Variants in PRTG observed in about 807,000 individuals in gnomAD.
The protein encoded by PRTG is protogenin.
A neutral mutation model predicts 122.5 loss-of-function variants in PRTG; 67 were observed. The ratio of observed to expected loss-of-function variants is 0.55; its 90% CI spans 0.45 to 0.67. The LOEUF is 0.67. Among genes scored for constraint, PRTG ranks in the 30% least tolerant of loss-of-function variants. PRTG has a pLI of 0.00. For missense variants in PRTG, 1,435 were observed against 1,415.4 expected (o/e 1.01, Z -0.22); for synonymous variants, 554 against 501.1 (o/e 1.11, Z -1.41).
At chr15:55,623,524 C>T (rs2059178116) in intron 18 of PRTG, among the ~76,000 whole-genome samples, 1 of 151,910 alleles carries the variant, frequency 6.6e-6, no homozygotes, top group Admixed American at 6.5e-5. Context: ...CGAGATCGTA[C>T]CACTGCACTC....
At chr15:55,656,545 T>C (rs2059381282) in intron 11 of PRTG, among the ~76,000 whole-genome samples, 1 of 152,220 alleles carries the variant, frequency 6.6e-6, no homozygotes. Flanking sequence ...TCTCGCTCTG[T>C]TGCCCAGGCT....
At chr15:55,735,712 C>T (rs1248189300) in intron 2 of PRTG, among the ~76,000 whole-genome samples, 1 of 100,492 alleles carries the variant, frequency 1.0e-5, no homozygotes, top group Non-Finnish European at 2.0e-5. Flanking sequence ...CTGGACCATG[C>T]TTTGCTAAAA....
Position 55,620,260 on chromosome 15 carries a change from T to G in PRTG, c.3205A>C (p.Arg1069=). 1 of 1,613,724 alleles carries G rather than the reference T, an allele frequency of 6.2e-7. No homozygotes were observed. ...AAGCAGACCGCTGGAGTAAATCTTC[T>G]TTGAGGCTAGGCAAAAAAAGATAAG... is the stretch of plus-strand genomic sequence containing the variant. ...SKKIQVEQPQ[R]RFTPAVCFYQ... The change falls in exon 20 of 20, where the codon AGA becomes CGA. Residue 1069 remains arginine (R), a synonymous_variant. Coordinates refer to ENST00000389286, the MANE Select transcript of PRTG (RefSeq NM_173814.6).
At chr15:55,629,369 A>ATG (rs1413549067) in intron 15 of PRTG, among the ~76,000 whole-genome samples, 46 of 34,356 alleles carry the variant, frequency 1.3e-3, no homozygotes, top group African/African-American at 2.6e-3. Context: ...GTATATATAT[A>ATG]TATATATGTG....
intron 2 of PRTG, among the ~76,000 whole-genome samples, chr15:55,719,776 T>C (rs1406740919): frequency 6.6e-6 from 1 of 152,116 alleles, no homozygotes; most frequent in African/African-American, 2.4e-5. Context: ...ACCGTGGGTT[T>C]GGCCCGGCGC....
At chr15:55,629,316 T>C (rs955824991) in intron 15 of PRTG, among the ~76,000 whole-genome samples, 2 of 151,990 alleles carry the variant, frequency 1.3e-5, no homozygotes, top group Non-Finnish European at 2.9e-5. Flanking sequence ...TGTAATTCTA[T>C]TTTAGGAGTT....
intron 2 of PRTG, among the ~76,000 whole-genome samples, chr15:55,693,472 A>C (rs1294589528): frequency 6.6e-6 from 1 of 151,992 alleles, no homozygotes; most frequent in African/African-American, 2.4e-5. Flanking sequence ...AAAAAAAAAA[A>C]GACTAAGTGA....
chr15:55,651,198 G>A (rs1390262336), intron 11 of PRTG, among the ~76,000 whole-genome samples: 2 of 152,076 alleles, frequency 1.3e-5, no homozygotes, highest in Non-Finnish European at 1.5e-5. Context: ...CCTACAAAGT[G>A]GCTTGAAACC....
intron 8 of PRTG, among the ~76,000 whole-genome samples, chr15:55,676,467 A>G (rs2059503678): frequency 6.6e-6 from 1 of 152,190 alleles, no homozygotes; most frequent in African/African-American, 2.4e-5. Context: ...AATCTCTCTA[A>G]GGACGGAGTC....
Position 55,672,789 on chromosome 15 carries a change from T to C in PRTG, c.1853-156A>G, listed in dbSNP as rs1049621584. Among the ~76,000 whole-genome samples the C allele has an allele frequency of 3.3e-5, 5 of 152,168 alleles. No individual in the cohort carries two copies. The South Asian group carries it at 8.3e-4, about 25-fold the overall frequency. On this transcript the variant is annotated intron_variant, in intron 10 of 19. Transcript: ENST00000389286. ...TAACTTTCCAAATTTCACAATAATA[T>C]TAAACTTTGAGATCAAAATTTAAAA... is the stretch of plus-strand genomic sequence containing the variant.
chr15:55,710,852 C>A (rs1038932441), intron 2 of PRTG, among the ~76,000 whole-genome samples: 3 of 152,000 alleles, frequency 2.0e-5, no homozygotes, highest in African/African-American at 7.2e-5. Flanking sequence ...GTACCTGCCC[C>A]GAGACGACTT....
intron 4 of PRTG, chr15:55,681,495 T>C (rs990038171): frequency 2.6e-5 from 4 of 152,110 alleles, no homozygotes; most frequent in African/African-American, 9.6e-5. Context: ...TGCATCTCTC[T>C]AGTTTCCCTT....
chr15:55,710,729 T>G (rs1232798650), intron 2 of PRTG, among the ~76,000 whole-genome samples: 1 of 152,140 alleles, frequency 6.6e-6, no homozygotes, highest in Admixed American at 6.5e-5. Context: ...TTGCATTCAC[T>G]TGATTCCTGA....
chr15:55,648,013 T>G (rs990387920), intron 11 of PRTG, among the ~76,000 whole-genome samples: 4 of 152,224 alleles, frequency 2.6e-5, no homozygotes, highest in Admixed American at 1.3e-4. Flanking sequence ...ATGGTATATA[T>G]TCCTTCCAGT....
chr15:55,646,432 C>T (rs1475673506), intron 11 of PRTG, among the ~76,000 whole-genome samples: 1 of 151,972 alleles, frequency 6.6e-6, no homozygotes, highest in Admixed American at 6.6e-5. Flanking sequence ...ACGCCATTCT[C>T]CTGCCTCAGC....
At chr15:55,679,625 A>C in intron 6 of PRTG, 180 bp from the exon 7 acceptor site, 1 of 526,142 alleles carries the variant, frequency 1.9e-6, no homozygotes, top group Non-Finnish European at 3.3e-6. Flanking sequence ...CTCAGTGTTC[A>C]CTTCCTCCAT....
At chr15:55,712,170 C>A (rs1351111568) in intron 2 of PRTG, among the ~76,000 whole-genome samples, 10 of 152,214 alleles carry the variant, frequency 6.6e-5, no homozygotes, top group Admixed American at 6.5e-4. Context: ...AATAAGCTCA[C>A]ATAGAATCTT....
At chr15:55,731,819 CTAAT>C (rs568910992) in intron 2 of PRTG, among the ~76,000 whole-genome samples, 2 of 152,296 alleles carry the variant, frequency 1.3e-5, no homozygotes, top group South Asian at 4.1e-4. Flanking sequence ...GAATATACTA[CTAAT>C]TATTAGCAAA....
At chr15:55,708,380 G>A (rs1041135128) in intron 2 of PRTG, among the ~76,000 whole-genome samples, 9 of 151,552 alleles carry the variant, frequency 5.9e-5, no homozygotes, top group African/African-American at 2.2e-4. Context: ...AAGCCTAGGC[G>A]GGTGGATCAT....
Sources: gnomAD v4.1 joint callset for allele counts (sites outside exome capture counted in the v4.1 genomes callset) on GRCh38, gnomAD v4.1.1 for gene constraint, MANE v1.5 for transcripts, NCBI Gene and HGNC (gene_info 2026-07-23, HGNC 2026-07-21) for gene names.